Variants in FECH observed in about 807,000 individuals in gnomAD.
FECH encodes the protein ferrochelatase, also known as ferrochelatase, mitochondrial.
In FECH, 40 loss-of-function variants were observed where a neutral mutation model predicts 56.9. That is an observed-to-expected ratio of 0.70 (90% CI 0.55 to 0.92). The LOEUF (loss-of-function observed/expected upper bound fraction) is 0.92, where lower values mean the gene tolerates loss of function less well. Ranked by LOEUF, FECH falls within the 40% of genes least tolerant of loss-of-function variation. The pLI, the probability that FECH is intolerant of heterozygous loss-of-function variation, is 0.00. For synonymous variants in FECH, 175 were observed against 198.6 expected, an observed-to-expected ratio of 0.88 and a Z score of 1.00; for missense variants, 431 against 529.1, an observed-to-expected ratio of 0.81 and a Z score of 1.82.
intron 1 of FECH, 99 bp from the exon 2 acceptor site, chr18:57,580,298 G>C: frequency 6.9e-7 from 1 of 1,446,178 alleles, no homozygotes; most frequent in East Asian, 2.4e-5. Context: ...AATTTAAAGA[G>C]ATCCCATGGC....
rs893258427 is a variant in FECH, at chr18:57,550,162, G to A, written c.*550C>T. 1.3e-5 allele frequency: 2 copies of A among 153,860 alleles called. No individual in the cohort carries two copies. The highest frequency in any genetic ancestry group is 4.8e-5 in the African/African-American group (2 of 41,460). The allele number at this position is 153,860 out of a possible 1,614,324, so 9.5% of individuals were successfully genotyped here. The stretch of plus-strand genomic sequence containing the variant: ...ATACCAAGATGACCAATGAATGGTG[G>A]CCTCGCTGGCAAAAGCAGCCATTGC... On this transcript the variant is annotated 3_prime_UTR_variant, in exon 11 of 11. Transcript: ENST00000262093.
At chr18:57,555,282 GC>G (rs921585891) in intron 7 of FECH, among the ~76,000 whole-genome samples, 1 of 152,222 alleles carries the variant, frequency 6.6e-6, no homozygotes, top group African/African-American at 2.4e-5. Flanking sequence ...ACACAGAAAA[GC>G]TGGGCAGGAT....
rs888654907 is a variant in FECH, at chr18:57,545,938, C to T, written c.*4774G>A. 1.3e-5 allele frequency among the ~76,000 whole-genome samples: 2 copies of T among 152,166 alleles called. No individual in the cohort carries two copies. Among genetic ancestry groups the T allele is most frequent in the Non-Finnish European group, 2.9e-5 (2 of 68,038 alleles). Reference sequence around the variant, plus strand: ...TTAATAATACTTCAAGTACTGTAGACAGTTGTCCTTCTATATTGGCAGGGA... The same window carrying T: ...TTAATAATACTTCAAGTACTGTAGATAGTTGTCCTTCTATATTGGCAGGGA... On this transcript the variant is annotated 3_prime_UTR_variant, in exon 11 of 11. Coordinates refer to ENST00000262093, the MANE Select transcript of FECH (RefSeq NM_000140.5).
chr18:57,569,979 G>A (rs149885294), intron 4 of FECH, among the ~76,000 whole-genome samples: 2,138 of 150,466 alleles, frequency 0.014, 20 homozygotes, highest in Non-Finnish European at 0.023. Flanking sequence ...GCCTACAGGC[G>A]TGTGCCACCA....
chr18:57,573,628 G>C (rs1164269588), intron 2 of FECH, among the ~76,000 whole-genome samples: 1 of 152,154 alleles, frequency 6.6e-6, no homozygotes, highest in East Asian at 1.9e-4. Context: ...CCCTTTTAAA[G>C]TCTCGGCCTG....
At chr18:57,581,704 G>A (rs1339087650) in intron 1 of FECH, among the ~76,000 whole-genome samples, 2 of 152,216 alleles carry the variant, frequency 1.3e-5, no homozygotes, top group African/African-American at 4.8e-5. Flanking sequence ...ATTCTTGAAA[G>A]GAGTAGAGCA....
intron 2 of FECH, among the ~76,000 whole-genome samples, chr18:57,577,715 C>T (rs777220940): frequency 2.2e-4 from 34 of 152,148 alleles, no homozygotes; most frequent in Non-Finnish European, 4.1e-4. Context: ...ATGTACAGTA[C>T]GGTCACATCT....
Position 57,545,692 on chromosome 18 carries a change from C to CT in FECH, c.*5019dup, listed in dbSNP as rs1316383726. Among the ~76,000 whole-genome samples, 2 of 151,924 alleles carry CT rather than the reference C, an allele frequency of 1.3e-5. No homozygotes were observed. The highest frequency in any genetic ancestry group is 4.8e-5 in the African/African-American group (2 of 41,344). ...GCACCTGCAGGTACCCACCACTTGG[C>CT]TGAGTGCTATATAGCTCTACACACT... On this transcript the variant is annotated 3_prime_UTR_variant, in exon 11 of 11. Coordinates refer to ENST00000262093, the MANE Select transcript of FECH (RefSeq NM_000140.5).
rs182655357 is a variant in FECH, at chr18:57,580,400, G to A, written c.68-201C>T. On this transcript the variant is annotated intron_variant, in intron 1 of 10. Coordinates refer to ENST00000262093, the MANE Select transcript of FECH (RefSeq NM_000140.5). ...GGGTGGAGGATCGCTCCCCTAGGAT[G>A]GCCGATGAGAGCCTGCAGAGAAGCA... 1.6e-4 allele frequency among the ~76,000 whole-genome samples: 24 copies of A among 152,180 alleles called. No homozygotes were observed. In the East Asian group the frequency reaches 3.1e-3, roughly 20 times the overall value.
At chr18:57,566,339 T>C (rs541398631) in intron 5 of FECH, 108 bp downstream of exon 5, 67 of 1,480,842 alleles carry the variant, frequency 4.5e-5, no homozygotes, top group Non-Finnish European at 6.0e-5. Flanking sequence ...CAGGTTGAAT[T>C]TGCCATTCAA....
intron 6 of FECH, among the ~76,000 whole-genome samples, chr18:57,561,435 A>T (rs369747896): frequency 6.6e-6 from 1 of 152,320 alleles, no homozygotes; most frequent in East Asian, 1.9e-4. Flanking sequence ...GCCATCTTCA[A>T]AACTGAGGCG....
At chr18:57,571,301 T>G in intron 4 of FECH, 91 bp downstream of exon 4, 1 of 1,348,852 alleles carries the variant, frequency 7.4e-7, no homozygotes, top group Non-Finnish European at 1.1e-6. Context: ...TGCCAGTACA[T>G]ATGAAGCATT....
At chr18:57,585,830 T>TAA in intron 1 of FECH, 1 of 150,520 alleles carries the variant, frequency 6.6e-6, no homozygotes, top group Non-Finnish European at 1.5e-5. Flanking sequence ...AGGCAAGCCT[T>TAA]AAAAAAAAAA....
At chr18:57,570,910 T>C (rs1170720260) in intron 4 of FECH, among the ~76,000 whole-genome samples, 1 of 152,238 alleles carries the variant, frequency 6.6e-6, no homozygotes. Context: ...ATGGTGATAT[T>C]CTGAGAGCTG....
intron 1 of FECH, among the ~76,000 whole-genome samples, chr18:57,583,040 A>G (rs2051309457): frequency 6.6e-6 from 1 of 152,176 alleles, no homozygotes; most frequent in Non-Finnish European, 1.5e-5. Context: ...TCTTACTTAC[A>G]AAATTATTTT....
Position 57,550,760 on chromosome 18 carries a change from A to T in FECH, c.1224T>A (p.Asn408Lys), listed in dbSNP as rs267606803. Reference sequence around the variant, plus strand: ...AGGATTTAGTCTCCCTGCAGACAGGATTGACACAGAGCGGACAGCTCAGGG... The same window carrying T: ...AGGATTTAGTCTCCCTGCAGACAGGTTTGACACAGAGCGGACAGCTCAGGG... ...QLTLSCPLCVNPVCRETKSFF... is the reference protein window; with the variant it reads ...QLTLSCPLCVKPVCRETKSFF... Residue 408 changes from asparagine to lysine, a missense_variant, in exon 11 of 11, where the codon AAT becomes AAA. Coordinates refer to ENST00000262093, the MANE Select transcript of FECH (RefSeq NM_000140.5). 6.2e-7 allele frequency: 1 copy of T among 1,614,134 alleles called. No homozygotes were observed. Among genetic ancestry groups the T allele is most frequent in the Non-Finnish European group, 8.5e-7 (1 of 1,180,006 alleles).
intron 9 of FECH, among the ~76,000 whole-genome samples, chr18:57,553,825 C>T (rs909034037): frequency 6.6e-6 from 1 of 152,190 alleles, no homozygotes; most frequent in Non-Finnish European, 1.5e-5. Flanking sequence ...CTCCTATATG[C>T]CTTGACACTC....
At chr18:57,580,429 T>C (rs2051260763) in intron 1 of FECH, among the ~76,000 whole-genome samples, 2 of 152,084 alleles carry the variant, frequency 1.3e-5, no homozygotes, top group Admixed American at 6.6e-5. Flanking sequence ...AGAAGCATTT[T>C]AGAAACTACA....
At chr18:57,558,831 G>A (rs950112577) in intron 7 of FECH, among the ~76,000 whole-genome samples, 1 of 152,100 alleles carries the variant, frequency 6.6e-6, no homozygotes, top group Non-Finnish European at 1.5e-5. Flanking sequence ...TGAGGCAAGA[G>A]AACTGCTTGA....
Sources: allele counts gnomAD v4.1 joint callset (sites outside exome capture counted in the v4.1 genomes callset), GRCh38; gene constraint gnomAD v4.1.1; transcripts MANE v1.5; gene names NCBI Gene and HGNC (gene_info 2026-07-23, HGNC 2026-07-21).